The following BMAL2 variants were observed in gnomAD, a reference collection of about 807,000 sequenced individuals.
BMAL2 encodes the protein basic helix-loop-helix ARNT-like protein 2.
chr12:27,337,419 AC>A, the BMAL2 span, among the ~76,000 whole-genome samples: 25,130 of 152,052 alleles, frequency 0.17, 2,401 homozygotes, highest in East Asian at 0.3. Flanking sequence ...AAGTGCCTCC[AC>A]CTTTGCCCCT....
the BMAL2 span, among the ~76,000 whole-genome samples, chr12:27,417,393 C>T: frequency 1.3e-5 from 2 of 152,182 alleles, no homozygotes; most frequent in African/African-American, 2.4e-5. Context: ...CATTTGTGGA[C>T]GTGAACTTTT....
chr12:27,342,003 C>G, the BMAL2 span, among the ~76,000 whole-genome samples: 1 of 151,352 alleles, frequency 6.6e-6, no homozygotes, highest in South Asian at 2.1e-4. Context: ...GTGGTGTGAT[C>G]TCGGCTCACT....
chr12:27,351,393 C>T, the BMAL2 span, among the ~76,000 whole-genome samples: 641 of 152,280 alleles, frequency 4.2e-3, 18 homozygotes, highest in Admixed American at 0.039. Flanking sequence ...TTTCTGTATT[C>T]TGATGCTTTG....
chr12:27,336,654 A>G, the BMAL2 span, among the ~76,000 whole-genome samples: 6,782 of 152,160 alleles, frequency 0.045, 439 homozygotes, highest in East Asian at 0.34. Context: ...TTTAACTTAA[A>G]ATATTTTTAA....
chr12:27,391,588 A>G, the BMAL2 span, among the ~76,000 whole-genome samples: 18 of 152,202 alleles, frequency 1.2e-4, no homozygotes, highest in African/African-American at 4.3e-4. Context: ...TGGTAGCTCT[A>G]TTTTAAGTTC....
At chr12:27,418,006 A>G in the BMAL2 span, 5 of 916,618 alleles carry the variant, frequency 5.5e-6, no homozygotes, top group African/African-American at 8.7e-5. Context: ...AAAATAAAAA[A>G]TAAAAAGTAA....
At chr12:27,354,599 G>C in the BMAL2 span, among the ~76,000 whole-genome samples, 294 of 152,126 alleles carry the variant, frequency 1.9e-3, no homozygotes, top group African/African-American at 6.5e-3. Flanking sequence ...CCAAAACACA[G>C]TCAACACATT....
chr12:27,401,410 A>C, the BMAL2 span: 1 of 1,560,266 alleles, frequency 6.4e-7, no homozygotes, highest in Non-Finnish European at 8.8e-7. Context: ...TTAAAATGAC[A>C]GTTTTAACTC....
At chr12:27,363,140 A>T in the BMAL2 span, among the ~76,000 whole-genome samples, 1 of 152,114 alleles carries the variant, frequency 6.6e-6, no homozygotes, top group African/African-American at 2.4e-5. Context: ...ATCCATGTTG[A>T]GTATAGCTGG....
At chr12:27,348,001 G>A in the BMAL2 span, among the ~76,000 whole-genome samples, 1 of 152,188 alleles carries the variant, frequency 6.6e-6, no homozygotes, top group African/African-American at 2.4e-5. Context: ...GATCCCCTGT[G>A]GCTCATTTTA....
chr12:27,386,394 C>A, the BMAL2 span, among the ~76,000 whole-genome samples: 1 of 152,168 alleles, frequency 6.6e-6, no homozygotes, highest in Non-Finnish European at 1.5e-5. Context: ...GCCATATGTA[C>A]CCGCTTCCAT....
the BMAL2 span, among the ~76,000 whole-genome samples, chr12:27,405,567 G>C: frequency 6.6e-6 from 1 of 152,176 alleles, no homozygotes; most frequent in African/African-American, 2.4e-5. Context: ...CTAACAAACA[G>C]AAAGGACATC....
At chr12:27,389,045 A>G in the BMAL2 span, 4 of 712,540 alleles carry the variant, frequency 5.6e-6, no homozygotes, top group Non-Finnish European at 9.9e-6. Flanking sequence ...AGTTCATGTC[A>G]CACAGTGTCG....
chr12:27,341,600 G>A, the BMAL2 span, among the ~76,000 whole-genome samples: 9 of 152,112 alleles, frequency 5.9e-5, no homozygotes, highest in African/African-American at 2.2e-4. Context: ...ACAGCCTATT[G>A]GGAAGCAGGT....
chr12:27,341,635 G>A, the BMAL2 span, among the ~76,000 whole-genome samples: 1 of 152,166 alleles, frequency 6.6e-6, no homozygotes, highest in African/African-American at 2.4e-5. Flanking sequence ...CATTTATTCG[G>A]CATAATGACC....
the BMAL2 span, among the ~76,000 whole-genome samples, chr12:27,373,597 G>C: frequency 6.6e-6 from 1 of 152,152 alleles, no homozygotes; most frequent in Non-Finnish European, 1.5e-5. Flanking sequence ...ATGAGGGGAA[G>C]CCTGCCCAGA....
chr12:27,370,280 CAT>C, the BMAL2 span: 3 of 1,373,560 alleles, frequency 2.2e-6, no homozygotes, highest in East Asian at 4.6e-5. Context: ...TTGAAGAGGG[CAT>C]AGAGTGGCAG....
At chr12:27,409,073 C>T in the BMAL2 span, among the ~76,000 whole-genome samples, 588 of 152,166 alleles carry the variant, frequency 3.9e-3, 2 homozygotes, top group African/African-American at 0.013. Context: ...AACTAGAAAC[C>T]ACTGCTCAAT....
At chr12:27,335,067 G>T in the BMAL2 span, among the ~76,000 whole-genome samples, 1 of 152,162 alleles carries the variant, frequency 6.6e-6, no homozygotes, top group Non-Finnish European at 1.5e-5. Context: ...AAAATAGAAC[G>T]CTCAACGAAA....
Sources: allele counts gnomAD v4.1 joint callset (sites outside exome capture counted in the v4.1 genomes callset), GRCh38; gene constraint gnomAD v4.1.1; transcripts MANE v1.5; gene names NCBI Gene and HGNC (gene_info 2026-07-23, HGNC 2026-07-21).